GRIP1: variants seen among roughly 807,000 people sequenced by gnomAD.
The protein encoded by GRIP1 is glutamate receptor interacting protein 1.
A neutral mutation model predicts 129.9 loss-of-function variants in GRIP1; 45 were observed. That is an observed-to-expected ratio of 0.35 (90% CI 0.27 to 0.44). GRIP1 has a LOEUF of 0.44. Among genes scored for constraint, GRIP1 ranks in the 20% least tolerant of loss-of-function variants. The pLI is 1.00. For synonymous variants in GRIP1, 530 were observed against 520.8 expected (o/e 1.02, Z -0.24); for missense variants, 1,196 against 1,396.8 (o/e 0.86, Z 2.29).
intron 7 of GRIP1, among the ~76,000 whole-genome samples, chr12:66,498,818 G>T (rs2138748938): frequency 6.6e-6 from 1 of 152,144 alleles, no homozygotes; most frequent in South Asian, 2.1e-4. Flanking sequence ...ATTTAGTCTT[G>T]AACCTATACC....
chr12:67,024,567 T>C (rs891345572), intron 1 of GRIP1, among the ~76,000 whole-genome samples: 3 of 152,118 alleles, frequency 2.0e-5, no homozygotes, highest in Admixed American at 6.6e-5. Context: ...CCTGCCTATG[T>C]AATAAAGTGA....
At chr12:67,019,339 G>A (rs1480178855) in intron 1 of GRIP1, among the ~76,000 whole-genome samples, 1 of 152,170 alleles carries the variant, frequency 6.6e-6, no homozygotes, top group Non-Finnish European at 1.5e-5. Flanking sequence ...AAATACGGAC[G>A]CTTCCTTCTC....
chr12:66,418,066 C>G (rs1187314982), intron 15 of GRIP1, among the ~76,000 whole-genome samples: 1 of 152,036 alleles, frequency 6.6e-6, no homozygotes, highest in East Asian at 1.9e-4. Flanking sequence ...ACCCAAACAC[C>G]ATGGCACTGA....
intron 23 of GRIP1, among the ~76,000 whole-genome samples, chr12:66,362,620 C>T (rs2054843622): frequency 6.6e-6 from 1 of 151,854 alleles, no homozygotes; most frequent in Non-Finnish European, 1.5e-5. Flanking sequence ...AATACACAAA[C>T]TTACATGCTA....
At chr12:67,019,201 C>T (rs985584844) in intron 1 of GRIP1, among the ~76,000 whole-genome samples, 8 of 152,166 alleles carry the variant, frequency 5.3e-5, no homozygotes, top group African/African-American at 9.7e-5. Context: ...TTACCCACAG[C>T]TGGCACAATA....
chr12:66,520,810 T>A (rs777125848), intron 5 of GRIP1, among the ~76,000 whole-genome samples: 23 of 152,242 alleles, frequency 1.5e-4, no homozygotes, highest in Non-Finnish European at 3.2e-4. Flanking sequence ...AACCATACAG[T>A]CACTATCAAT....
intron 7 of GRIP1, among the ~76,000 whole-genome samples, chr12:66,497,339 C>G (rs1001574652): frequency 7.9e-5 from 12 of 152,160 alleles, no homozygotes; most frequent in Non-Finnish European, 1.3e-4. Context: ...GTCTGAGTAA[C>G]AGACATTTAG....
chr12:66,885,887 T>C (rs1254082556), intron 1 of GRIP1, among the ~76,000 whole-genome samples: 2 of 152,214 alleles, frequency 1.3e-5, no homozygotes, highest in African/African-American at 4.8e-5. Context: ...AAGAGCTACA[T>C]GGAATTCAGG....
intron 1 of GRIP1, among the ~76,000 whole-genome samples, chr12:66,868,635 C>A (rs2040244575): frequency 6.6e-6 from 1 of 152,034 alleles, no homozygotes; most frequent in Non-Finnish European, 1.5e-5. Context: ...AGAAGGCAAT[C>A]ATCTGCCCCT....
At chr12:66,981,938 A>C (rs778178440) in intron 1 of GRIP1, among the ~76,000 whole-genome samples, 1 of 152,198 alleles carries the variant, frequency 6.6e-6, no homozygotes, top group African/African-American at 2.4e-5. Context: ...TCTGGGCTAC[A>C]TTGTGTTACA....
chr12:66,582,623 G>A (rs946277302), intron 2 of GRIP1, among the ~76,000 whole-genome samples: 1 of 135,852 alleles, frequency 7.4e-6, no homozygotes, highest in Non-Finnish European at 1.6e-5. Flanking sequence ...CAGACAAACA[G>A]AGAGCCAAAT....
chr12:66,673,176 T>C (rs559723283), intron 1 of GRIP1, among the ~76,000 whole-genome samples: 3 of 152,316 alleles, frequency 2.0e-5, no homozygotes, highest in South Asian at 4.1e-4. Flanking sequence ...TAGGAATGAT[T>C]CTTAACTTCT....
In GRIP1 at chr12:66,610,484, G is replaced by C. The variant is rs144241711; in HGVS notation, c.56-13557C>G. On this transcript the variant is annotated intron_variant, in intron 1 of 24. Coordinates refer to ENST00000359742, the MANE Select transcript of GRIP1 (RefSeq NM_001366722.1). The stretch of plus-strand genomic sequence containing the variant: ...CTCTATCTCAGTGACTTCTTATGGA[G>C]CCCTGTGGTAGAATGACCAGGAACT... Among the ~76,000 whole-genome samples the C allele has an allele frequency of 4.9e-4, 75 of 152,228 alleles. No homozygotes were observed. The East Asian group carries it at 9.1e-3, about 18-fold the overall frequency.
At chr12:66,751,172 C>T (rs1018789573) in intron 1 of GRIP1, among the ~76,000 whole-genome samples, 1 of 152,088 alleles carries the variant, frequency 6.6e-6, no homozygotes, top group Non-Finnish European at 1.5e-5. Context: ...AAGGTAAGAA[C>T]ATTAGAGTGA....
chr12:66,593,079 C>A (rs781085347), intron 2 of GRIP1, among the ~76,000 whole-genome samples: 1 of 152,102 alleles, frequency 6.6e-6, no homozygotes, highest in East Asian at 1.9e-4. Flanking sequence ...TACTATCATC[C>A]ATATTAAAAT....
chr12:66,478,977 A>G (rs1252506838), intron 7 of GRIP1, among the ~76,000 whole-genome samples: 1 of 152,126 alleles, frequency 6.6e-6, no homozygotes, highest in Admixed American at 6.6e-5. Context: ...AAATATACAT[A>G]TGTAACAAAC....
chr12:67,056,308 C>G (rs970599290), intron 1 of GRIP1, among the ~76,000 whole-genome samples: 1 of 152,160 alleles, frequency 6.6e-6, no homozygotes, highest in African/African-American at 2.4e-5. Context: ...CTTGGGGTGG[C>G]TCAAAAACTG....
intron 1 of GRIP1, among the ~76,000 whole-genome samples, chr12:66,791,997 C>G (rs73329253): frequency 0.023 from 3,457 of 152,120 alleles, 143 homozygotes; most frequent in African/African-American, 0.079. Context: ...ATTGAAGGGC[C>G]TGGAAAGTTT....
chr12:66,953,489 G>A (rs537780143), intron 1 of GRIP1, among the ~76,000 whole-genome samples: 2 of 152,306 alleles, frequency 1.3e-5, no homozygotes, highest in African/African-American at 4.8e-5. Context: ...CTAAAGCTTA[G>A]AGAGGCGTGT....
Sources: gnomAD v4.1 joint callset for allele counts (sites outside exome capture counted in the v4.1 genomes callset) on GRCh38, gnomAD v4.1.1 for gene constraint, MANE v1.5 for transcripts, NCBI Gene and HGNC (gene_info 2026-07-23, HGNC 2026-07-21) for gene names.